CACNA2D3: variants seen among roughly 807,000 people sequenced by gnomAD.
CACNA2D3 encodes the protein voltage-dependent calcium channel subunit alpha-2/delta-3.
Under a neutral mutation model 160.6 loss-of-function variants are expected in CACNA2D3, and 60 were observed. That is an observed-to-expected ratio of 0.37 (90% CI 0.30 to 0.46). CACNA2D3 has a LOEUF of 0.46. Among genes scored for constraint, CACNA2D3 ranks in the 20% least tolerant of loss-of-function variants. The pLI is 1.00. For synonymous variants in CACNA2D3, 558 were observed against 492.9 expected, an observed-to-expected ratio of 1.13 and a Z score of -1.75; for missense variants, 1,205 against 1,365.0, an observed-to-expected ratio of 0.88 and a Z score of 1.85.
chr3:54,789,009 A>G (rs778493558), intron 13 of CACNA2D3, among the ~76,000 whole-genome samples: 3 of 152,208 alleles, frequency 2.0e-5, no homozygotes, highest in Non-Finnish European at 4.4e-5. Context: ...GCGGCCAAAA[A>G]TAATGATAAA....
chr3:54,513,886 T>C (rs1293140120), intron 5 of CACNA2D3, among the ~76,000 whole-genome samples: 1 of 152,160 alleles, frequency 6.6e-6, no homozygotes, highest in Non-Finnish European at 1.5e-5. Context: ...TTGGCCAGGC[T>C]GGCCTCGAAC....
In CACNA2D3 at chr3:54,824,507, A is replaced by T. The variant is rs540877665; in HGVS notation, c.1398+7637A>T. ...TTGTGTAACCTCTGGTATTGCATTC[A>T]TCATTGCAGAAGGGACGCATTCCAC... is the stretch of plus-strand genomic sequence containing the variant. On this transcript the variant is annotated intron_variant, in intron 14 of 37. Transcript: ENST00000474759. Among the ~76,000 whole-genome samples the T allele has an allele frequency of 3.9e-5, 6 of 152,206 alleles. No homozygotes were observed. In the South Asian group the frequency reaches 1.2e-3, roughly 32 times the overall value.
intron 3 of CACNA2D3, among the ~76,000 whole-genome samples, chr3:54,353,263 G>T (rs1698595634): frequency 6.6e-6 from 1 of 152,134 alleles, no homozygotes; most frequent in Non-Finnish European, 1.5e-5. Context: ...GAATTTCTTT[G>T]TAGCTCTGAA....
At chr3:54,379,764 G>C (rs992011664) in intron 3 of CACNA2D3, among the ~76,000 whole-genome samples, 7 of 152,142 alleles carry the variant, frequency 4.6e-5, no homozygotes, top group African/African-American at 1.7e-4. Flanking sequence ...CATCCTTCCT[G>C]TTCTCCTTCA....
chr3:55,035,268 G>A lies in CACNA2D3; in HGVS notation c.2987+16951G>A, dbSNP rs563239837. Among the ~76,000 whole-genome samples the A allele has an allele frequency of 8.5e-5, 13 of 152,194 alleles. No homozygotes were observed. In the South Asian group the frequency reaches 1.0e-3, roughly 12 times the overall value. ...AACCTTCTGATACTACAAAAGAAAC[G>A]GTATTGACTTTTCTAGCAGGGTGCC... On this transcript the variant is annotated intron_variant, in intron 35 of 37. Coordinates refer to ENST00000474759, the MANE Select transcript of CACNA2D3 (RefSeq NM_018398.3).
intron 27 of CACNA2D3, among the ~76,000 whole-genome samples, chr3:54,915,906 T>C (rs998678817): frequency 6.6e-6 from 1 of 152,232 alleles, no homozygotes; most frequent in Non-Finnish European, 1.5e-5. Context: ...AGTTATCATC[T>C]GTACTTAGAA....
At chr3:54,716,608 C>T (rs577643731) in intron 11 of CACNA2D3, among the ~76,000 whole-genome samples, 1 of 152,252 alleles carries the variant, frequency 6.6e-6, no homozygotes, top group South Asian at 2.1e-4. Context: ...CTGGTCTCCT[C>T]CTGTCCTGTG....
At chr3:54,789,731 A>T in intron 13 of CACNA2D3, 1 of 453,902 alleles carries the variant, frequency 2.2e-6, no homozygotes, top group Middle Eastern at 4.1e-4. Flanking sequence ...GAGTTGTCAG[A>T]GCTTTCTCTA....
intron 27 of CACNA2D3, among the ~76,000 whole-genome samples, chr3:54,934,700 A>C (rs1480224137): frequency 6.6e-6 from 1 of 152,148 alleles, no homozygotes; most frequent in Non-Finnish European, 1.5e-5. Context: ...CCTGGTCTTC[A>C]AAGAGCTCAC....
intron 13 of CACNA2D3, among the ~76,000 whole-genome samples, chr3:54,813,480 A>C (rs961641724): frequency 5.3e-5 from 8 of 152,162 alleles, no homozygotes; most frequent in Non-Finnish European, 1.2e-4. Context: ...GTGAGTTTCA[A>C]ATCTATTCCT....
intron 11 of CACNA2D3, among the ~76,000 whole-genome samples, chr3:54,682,436 G>A (rs1700370339): frequency 1.3e-5 from 2 of 152,004 alleles, no homozygotes; most frequent in Admixed American, 6.6e-5. Flanking sequence ...GACCAGCCTG[G>A]CCAACATGAC....
intron 11 of CACNA2D3, among the ~76,000 whole-genome samples, chr3:54,735,696 A>G (rs1701482660): frequency 6.6e-6 from 1 of 152,002 alleles, no homozygotes; most frequent in Non-Finnish European, 1.5e-5. Flanking sequence ...CTACCTGGAT[A>G]TCATCTATAT....
At chr3:54,419,134 G>T (rs1699800362) in intron 4 of CACNA2D3, among the ~76,000 whole-genome samples, 1 of 152,222 alleles carries the variant, frequency 6.6e-6, no homozygotes, top group African/African-American at 2.4e-5. Context: ...GCAGAATTGG[G>T]AGTCACTTCC....
rs1465872224 is a variant in CACNA2D3, at chr3:54,128,980, T to A, written c.204+5386T>A. Among the ~76,000 whole-genome samples the A allele has an allele frequency of 3.9e-5, 6 of 152,244 alleles. No homozygotes were observed. In the East Asian group the frequency reaches 1.2e-3, roughly 29 times the overall value. On this transcript the variant is annotated intron_variant, in intron 2 of 37. Coordinates refer to ENST00000474759, the MANE Select transcript of CACNA2D3 (RefSeq NM_018398.3). ...TCAGTGAAAGGAAAAGTTCCTAATGTCAGGCTTCTGGTAAAACTGACAGAA... is the reference window on the plus strand; with the variant it reads ...TCAGTGAAAGGAAAAGTTCCTAATGACAGGCTTCTGGTAAAACTGACAGAA...
intron 2 of CACNA2D3, among the ~76,000 whole-genome samples, chr3:54,124,564 A>G (rs772197791): frequency 5.3e-5 from 8 of 152,202 alleles, no homozygotes; most frequent in Non-Finnish European, 1.2e-4. Context: ...TTTTGGGCCA[A>G]TGTACCATAT....
At chr3:54,318,857 T>C (rs1414443793) in intron 2 of CACNA2D3, among the ~76,000 whole-genome samples, 2 of 151,882 alleles carry the variant, frequency 1.3e-5, no homozygotes, top group Non-Finnish European at 2.9e-5. Context: ...CCATATCTGA[T>C]TAATTAAAAA....
Position 54,973,200 on chromosome 3 carries a change from T to C in CACNA2D3, c.2556+3356T>C, listed in dbSNP as rs144965696. 5.0e-3 allele frequency among the ~76,000 whole-genome samples: 759 copies of C among 152,188 alleles called. 6 individuals are homozygous for C. Among genetic ancestry groups the C allele is most frequent in the African/African-American group, 0.017 (718 of 41,550 alleles). ...GAGGCACCAAAGTGGCAAAGGGTCA[T>C]TGTGGTCAAGGAAAACACAGTTAGC... is the stretch of plus-strand genomic sequence containing the variant. On this transcript the variant is annotated intron_variant, in intron 29 of 37. Transcript: ENST00000474759.
intron 2 of CACNA2D3, among the ~76,000 whole-genome samples, chr3:54,310,829 A>G (rs1490183952): frequency 2.0e-5 from 3 of 152,178 alleles, no homozygotes; most frequent in African/African-American, 7.2e-5. Flanking sequence ...ACATCATTTG[A>G]TCATCTCAAG....
intron 4 of CACNA2D3, among the ~76,000 whole-genome samples, chr3:54,443,504 C>A (rs959509601): frequency 6.6e-6 from 1 of 152,282 alleles, no homozygotes; most frequent in Non-Finnish European, 1.5e-5. Context: ...TTTTGGGCTT[C>A]TTCACTAGGA....
Sources: gnomAD v4.1 joint callset for allele counts (sites outside exome capture counted in the v4.1 genomes callset) on GRCh38, gnomAD v4.1.1 for gene constraint, MANE v1.5 for transcripts, NCBI Gene and HGNC (gene_info 2026-07-23, HGNC 2026-07-21) for gene names.